The following PPARGC1A variants were observed in gnomAD, a reference collection of about 807,000 sequenced individuals.
PPARGC1A encodes peroxisome proliferator-activated receptor gamma coactivator 1-alpha.
In PPARGC1A, 25 loss-of-function variants were observed where a neutral mutation model predicts 88.7. That is an observed-to-expected ratio of 0.28 (90% CI 0.21 to 0.39). PPARGC1A has a LOEUF of 0.39. PPARGC1A is among the 10% of genes least tolerant of loss of function. The pLI is 1.00. For missense variants in PPARGC1A, 880 were observed against 968.7 expected, an observed-to-expected ratio of 0.91 and a Z score of 1.22; for synonymous variants, 363 against 355.6, an observed-to-expected ratio of 1.02 and a Z score of -0.24.
the PPARGC1A span, among the ~76,000 whole-genome samples, chr4:23,996,110 G>A: frequency 8.5e-5 from 13 of 152,150 alleles, no homozygotes. Context: ...ATTGTAGCTT[G>A]TAAGCACTTT....
the PPARGC1A span, among the ~76,000 whole-genome samples, chr4:24,123,699 G>A: frequency 1.4e-3 from 220 of 152,060 alleles, 1 homozygote; most frequent in African/African-American, 4.9e-3. Context: ...AATTTTTTTA[G>A]CCTGTGAAAG....
At chr4:24,361,792 G>A in the PPARGC1A span, among the ~76,000 whole-genome samples, 2 of 152,164 alleles carry the variant, frequency 1.3e-5, no homozygotes, top group African/African-American at 2.4e-5. Context: ...GTTGTTGAGC[G>A]GGTAAAGCCT....
At chr4:23,808,268 A>C (rs955107868) in intron 10 of PPARGC1A, among the ~76,000 whole-genome samples, 3 of 150,316 alleles carry the variant, frequency 2.0e-5, no homozygotes, top group Admixed American at 6.7e-5. Flanking sequence ...AAAAAAAAAA[A>C]CCCTGAGTAA....
At chr4:24,384,480 G>A in the PPARGC1A span, among the ~76,000 whole-genome samples, 14 of 148,992 alleles carry the variant, frequency 9.4e-5, no homozygotes, top group Non-Finnish European at 4.4e-5. Flanking sequence ...CTGTATTCAG[G>A]AGACCCATCT....
intron 10 of PPARGC1A, among the ~76,000 whole-genome samples, chr4:23,808,208 G>A (rs890168725): frequency 7.2e-5 from 10 of 138,910 alleles, no homozygotes; most frequent in African/African-American, 1.6e-4. Context: ...CCAAGATTGC[G>A]CCACTGCATT....
At chr4:24,152,499 C>A in the PPARGC1A span, among the ~76,000 whole-genome samples, 1 of 152,238 alleles carries the variant, frequency 6.6e-6, no homozygotes, top group African/African-American at 2.4e-5. Context: ...ACAGAGGAGG[C>A]AGAGATTGAG....
chr4:24,054,854 T>C, the PPARGC1A span, among the ~76,000 whole-genome samples: 1 of 152,128 alleles, frequency 6.6e-6, no homozygotes, highest in Admixed American at 6.5e-5. Flanking sequence ...GTGGACTCCA[T>C]CATAGCAGCA....
chr4:23,940,699 T>A, the PPARGC1A span, among the ~76,000 whole-genome samples: 3 of 152,110 alleles, frequency 2.0e-5, no homozygotes, highest in Admixed American at 2.0e-4. Flanking sequence ...CTCCATGAAA[T>A]GTTTGTAGTT....
At chr4:23,880,353 C>A (rs960302835) in intron 2 of PPARGC1A, among the ~76,000 whole-genome samples, 1 of 152,130 alleles carries the variant, frequency 6.6e-6, no homozygotes. Context: ...CATTACCTAA[C>A]GCAGTTCATT....
At chr4:24,105,026 G>A in the PPARGC1A span, among the ~76,000 whole-genome samples, 1 of 152,180 alleles carries the variant, frequency 6.6e-6, no homozygotes, top group Non-Finnish European at 1.5e-5. Context: ...TGTATGGCAC[G>A]TGGTTCAAGG....
the PPARGC1A span, among the ~76,000 whole-genome samples, chr4:24,229,488 T>C: frequency 6.6e-6 from 1 of 151,496 alleles, no homozygotes; most frequent in African/African-American, 2.4e-5. Context: ...AATTCTATCG[T>C]TCAGCCTGGG....
intron 2 of PPARGC1A, 31 bp downstream of exon 2, chr4:23,884,721 A>C: frequency 3.8e-6 from 6 of 1,586,668 alleles, no homozygotes; most frequent in Non-Finnish European, 4.3e-6. Flanking sequence ...AAACTCAATG[A>C]AAAATTAATG....
At chr4:24,273,955 G>A in the PPARGC1A span, among the ~76,000 whole-genome samples, 1 of 151,576 alleles carries the variant, frequency 6.6e-6, no homozygotes, top group South Asian at 2.1e-4. Flanking sequence ...GGCCAGGCTG[G>A]TCTCAAACTC....
chr4:23,982,964 A>G, the PPARGC1A span, among the ~76,000 whole-genome samples: 1 of 152,114 alleles, frequency 6.6e-6, no homozygotes, highest in Admixed American at 6.6e-5. Flanking sequence ...GACACAGCCA[A>G]TCCCCCTTTT....
At chr4:24,326,418 C>T in the PPARGC1A span, among the ~76,000 whole-genome samples, 1 of 152,278 alleles carries the variant, frequency 6.6e-6, no homozygotes, top group South Asian at 2.1e-4. Context: ...CTCCTATCCT[C>T]AATACCTCCC....
chr4:24,158,492 G>A, the PPARGC1A span, among the ~76,000 whole-genome samples: 4 of 152,168 alleles, frequency 2.6e-5, no homozygotes, highest in African/African-American at 7.2e-5. Context: ...TTTTAAAATC[G>A]CTCACTTCCC....
chr4:23,924,231 A>G, the PPARGC1A span, among the ~76,000 whole-genome samples: 2 of 152,214 alleles, frequency 1.3e-5, no homozygotes, highest in African/African-American at 2.4e-5. Flanking sequence ...CTATGAAAAC[A>G]AATGCTTTGC....
At chr4:24,153,867 G>A in the PPARGC1A span, among the ~76,000 whole-genome samples, 3 of 151,990 alleles carry the variant, frequency 2.0e-5, no homozygotes, top group South Asian at 2.1e-4. Flanking sequence ...AGGAATACTC[G>A]ACTTGCCAAA....
At chr4:24,085,431 G>A in the PPARGC1A span, among the ~76,000 whole-genome samples, 1 of 152,188 alleles carries the variant, frequency 6.6e-6, no homozygotes. Flanking sequence ...AAACAGCTCA[G>A]AGAAATAAGG....
Sources: gnomAD v4.1 joint callset for allele counts (sites outside exome capture counted in the v4.1 genomes callset) on GRCh38, gnomAD v4.1.1 for gene constraint, MANE v1.5 for transcripts, NCBI Gene and HGNC (gene_info 2026-07-23, HGNC 2026-07-21) for gene names.